CCDC141: variants seen among roughly 807,000 people sequenced by gnomAD.
The protein encoded by CCDC141 is coiled-coil domain-containing protein 141.
CCDC141 carries 168 observed loss-of-function variants against 181.0 expected under a neutral mutation model. The observed-to-expected ratio is 0.93, with a 90% CI of 0.82 to 1.05. CCDC141 has a LOEUF of 1.05. Ranked by LOEUF, CCDC141 falls within the 50% of genes least tolerant of loss-of-function variation. The pLI is 0.00. For synonymous variants in CCDC141, 666 were observed against 642.3 expected, an observed-to-expected ratio of 1.04 and a Z score of -0.56; for missense variants, 1,902 against 1,788.5, an observed-to-expected ratio of 1.06 and a Z score of -1.14.
At chr2:179,044,380 G>A (rs1194899776) in intron 2 of CCDC141, among the ~76,000 whole-genome samples, 1 of 152,200 alleles carries the variant, frequency 6.6e-6, no homozygotes, top group Non-Finnish European at 1.5e-5. Flanking sequence ...GATGCTGGAG[G>A]CATCACTCTA....
At chr2:178,937,303 A>C (rs114979028) in intron 6 of CCDC141, among the ~76,000 whole-genome samples, 360 of 152,066 alleles carry the variant, frequency 2.4e-3, no homozygotes, top group African/African-American at 8.3e-3. Flanking sequence ...AAAATGAAGG[A>C]GTGCTTAATT....
At chr2:179,015,264 C>CATATATATATCTCATATATATCAT (rs57926916) in intron 2 of CCDC141, among the ~76,000 whole-genome samples, 2 of 130,056 alleles carry the variant, frequency 1.5e-5, no homozygotes, top group Non-Finnish European at 3.2e-5. Context: ...TCATATATAT[C>CATATATATATCTCATATATATCAT]ATATATATCT....
At chr2:179,024,570 T>C (rs1417646778) in intron 2 of CCDC141, among the ~76,000 whole-genome samples, 1 of 152,184 alleles carries the variant, frequency 6.6e-6, no homozygotes, top group Non-Finnish European at 1.5e-5. Context: ...CTGCAAGTTA[T>C]AGAAGGTACT....
chr2:179,013,296 A>C (rs1453900035), intron 2 of CCDC141, among the ~76,000 whole-genome samples: 1 of 152,124 alleles, frequency 6.6e-6, no homozygotes, highest in South Asian at 2.1e-4. Context: ...ATATACACAA[A>C]TCAGTAGCTC....
intron 21 of CCDC141, 33 bp from the exon 22 acceptor site, chr2:178,845,775 C>T: frequency 7.4e-7 from 1 of 1,345,172 alleles, no homozygotes; most frequent in Non-Finnish European, 1.1e-6. Context: ...AGAGCATGAG[C>T]CAGGAAAGTT....
At chr2:178,816,290 C>T in the CCDC141 span, among the ~76,000 whole-genome samples, 1 of 152,182 alleles carries the variant, frequency 6.6e-6, no homozygotes, top group African/African-American at 2.4e-5. Context: ...TAGTTGGAGT[C>T]ATACAGTATG....
chr2:179,050,031 T>C lies in CCDC141; in HGVS notation c.-90A>G. ...TTCAGAAGGCCAGGGTTACTTGGAT[T>C]CATTCAGGGAAAGAGCTCAGCTCAC... On this transcript the variant is annotated 5_prime_UTR_variant, in exon 1 of 24. Transcript: ENST00000443758. 6.5e-7 allele frequency: 1 copy of C among 1,534,514 alleles called. No homozygotes were observed. The highest frequency in any genetic ancestry group is 8.8e-7 in the Non-Finnish European group (1 of 1,138,618).
intron 2 of CCDC141, among the ~76,000 whole-genome samples, chr2:179,015,668 CATATCTCATAT>C (rs1559050373): frequency 1.7e-5 from 2 of 120,202 alleles, no homozygotes. Flanking sequence ...ATATCTCATA[CATATCTCATAT>C]ATATCTCATA....
intron 7 of CCDC141, among the ~76,000 whole-genome samples, chr2:178,908,437 C>A (rs1229390213): frequency 6.6e-6 from 1 of 152,170 alleles, no homozygotes; most frequent in Non-Finnish European, 1.5e-5. Flanking sequence ...TGTGATCTGC[C>A]TGCGTCGGCC....
chr2:178,873,333 C>T (rs989987239), intron 12 of CCDC141: 4 of 151,788 alleles, frequency 2.6e-5, no homozygotes, highest in Non-Finnish European at 5.9e-5. Flanking sequence ...AATGAGATTT[C>T]CCCCATGAAC....
At chr2:178,987,036 C>T (rs1461884244) in intron 2 of CCDC141, among the ~76,000 whole-genome samples, 1 of 151,650 alleles carries the variant, frequency 6.6e-6, no homozygotes, top group Non-Finnish European at 1.5e-5. Flanking sequence ...AAGAACAAAG[C>T]TGGAGGCATC....
At chr2:178,856,547 T>C in intron 17 of CCDC141, 150 bp from the exon 18 acceptor site, 1 of 506,436 alleles carries the variant, frequency 2.0e-6, no homozygotes, top group Non-Finnish European at 3.4e-6. Context: ...CCTCTCTCTT[T>C]CTTTCTTTCA....
rs1389257093 is a variant in CCDC141, at chr2:179,015,625, A to ATG, written c.225+31658_225+31659insCA. ...CATATATCTCATATAGCTCATATAT[A>ATG]TCTCACATATATCTCATATATATCT... On this transcript the variant is annotated intron_variant, in intron 2 of 23. Transcript: ENST00000443758. Among the ~76,000 whole-genome samples the ATG allele has an allele frequency of 6.4e-5, 9 of 141,404 alleles. No individual in the cohort carries two copies. The East Asian group carries it at 8.4e-4, about 13-fold the overall frequency. The allele number at this position is 141,404 out of a possible 152,430, so 92.8% of individuals were successfully genotyped here.
intron 5 of CCDC141, among the ~76,000 whole-genome samples, chr2:178,958,226 A>G (rs1575267005): frequency 6.6e-6 from 1 of 152,168 alleles, no homozygotes; most frequent in Admixed American, 6.5e-5. Context: ...GTCATTATAC[A>G]TTTGTTCAAA....
At chr2:178,987,854 C>T (rs1206834453) in intron 2 of CCDC141, among the ~76,000 whole-genome samples, 1 of 150,328 alleles carries the variant, frequency 6.7e-6, no homozygotes, top group Non-Finnish European at 1.5e-5. Flanking sequence ...AATAGGAACA[C>T]TTTTACACTG....
intron 2 of CCDC141, among the ~76,000 whole-genome samples, chr2:179,010,010 G>C (rs1464251905): frequency 6.6e-6 from 1 of 152,010 alleles, no homozygotes; most frequent in East Asian, 1.9e-4. Flanking sequence ...AAATCCTCTG[G>C]AAAGTCACAA....
At chr2:178,867,443 T>A (rs1309158458) in intron 16 of CCDC141, among the ~76,000 whole-genome samples, 1 of 152,210 alleles carries the variant, frequency 6.6e-6, no homozygotes, top group Admixed American at 6.5e-5. Context: ...GTAAGTAATA[T>A]AAAAAATACT....
In CCDC141 at chr2:178,865,764, C is replaced by T. The variant is rs1257999796; in HGVS notation, c.2724+3G>A. 3 of 1,506,742 alleles carry T rather than the reference C, an allele frequency of 2.0e-6. No individual in the cohort carries two copies. Among genetic ancestry groups the T allele is most frequent in the Admixed American group, 2.2e-5 (1 of 45,340 alleles). The allele number at this position is 1,506,742 out of a possible 1,614,324, so 93.3% of individuals were successfully genotyped here. ...TGCCAGTTCTCACCCCTCCCACACC[C>T]ACCTCATTTATCTCGTCTCTCATGG... On this transcript the variant is annotated splice_donor_region_variant and intron_variant, in intron 17 of 23. Coordinates refer to ENST00000443758, the MANE Select transcript of CCDC141 (RefSeq NM_173648.4).
At chr2:178,906,698 C>A (rs1687987768) in intron 7 of CCDC141, among the ~76,000 whole-genome samples, 1 of 152,098 alleles carries the variant, frequency 6.6e-6, no homozygotes, top group Admixed American at 6.5e-5. Flanking sequence ...AGCAGGAAGA[C>A]CCCACAGAAG....
Sources: gnomAD v4.1 joint callset for allele counts (sites outside exome capture counted in the v4.1 genomes callset) on GRCh38, gnomAD v4.1.1 for gene constraint, MANE v1.5 for transcripts, NCBI Gene and HGNC (gene_info 2026-07-23, HGNC 2026-07-21) for gene names.